Variants in CCDC141 observed in about 807,000 individuals in gnomAD.
CCDC141 encodes coiled-coil domain containing 141.
CCDC141 carries 168 observed loss-of-function variants against 181.0 expected under a neutral mutation model. That is an observed-to-expected ratio of 0.93 (90% CI 0.82 to 1.05). CCDC141 has a LOEUF of 1.05. Among genes scored for constraint, CCDC141 ranks in the 50% least tolerant of loss-of-function variants. The probability of loss-of-function intolerance (pLI) is 0.00; values close to 1 mark genes in which losing one functional copy is unlikely to be tolerated. For missense variants in CCDC141, 1,902 were observed against 1,788.5 expected (o/e 1.06, Z -1.14); for synonymous variants, 666 against 642.3 (o/e 1.04, Z -0.56).
intron 5 of CCDC141, among the ~76,000 whole-genome samples, chr2:178,948,072 C>T (rs546959089): frequency 1.3e-5 from 2 of 152,058 alleles, no homozygotes; most frequent in South Asian, 4.2e-4. Context: ...TGGTAGCACA[C>T]ACCTGTAGTC....
At chr2:178,916,509 T>G (rs1199822717) in intron 7 of CCDC141, among the ~76,000 whole-genome samples, 1 of 151,740 alleles carries the variant, frequency 6.6e-6, no homozygotes, top group Non-Finnish European at 1.5e-5. Flanking sequence ...TTATTTTACT[T>G]AATAATATAG....
At chr2:179,015,136 CA>C (rs2042427119) in intron 2 of CCDC141, among the ~76,000 whole-genome samples, 2 of 74,464 alleles carry the variant, frequency 2.7e-5, no homozygotes, top group Non-Finnish European at 2.4e-5. Context: ...TATATCATAT[CA>C]TATATATCAA....
Position 178,905,445 on chromosome 2 carries a change from A to G in CCDC141, c.1149T>C (p.Gly383=), listed in dbSNP as rs566474304. ...TCACTGCCAAAACAGCCAGACTTAA[A>G]CCCTCTGATTTAAGGAGCTTAAGGT... The part of the protein sequence containing the change: ...EAYLKLLKSE[G]LSLAVLAVRH... Residue 383 remains glycine (G), a synonymous_variant, in exon 8 of 24, where the codon GGT becomes GGC. Coordinates refer to ENST00000443758, the MANE Select transcript of CCDC141 (RefSeq NM_173648.4). 1 of 1,550,958 alleles carries G rather than the reference A, an allele frequency of 6.4e-7. No individual in the cohort carries two copies. The highest frequency in any genetic ancestry group is 2.0e-5 in the Admixed American group (1 of 50,998).
intron 14 of CCDC141, 124 bp from the exon 15 acceptor site, chr2:178,869,429 G>T: frequency 3.1e-6 from 2 of 640,958 alleles, no homozygotes; most frequent in Non-Finnish European, 4.9e-6. Context: ...TATTATGAAT[G>T]CCCCCACCCT....
At chr2:178,860,794 G>A (rs1019929612) in intron 17 of CCDC141, among the ~76,000 whole-genome samples, 7 of 151,996 alleles carry the variant, frequency 4.6e-5, no homozygotes, top group East Asian at 1.9e-4. Flanking sequence ...TTGGGAAGAC[G>A]TGACAATTGC....
chr2:178,817,784 T>TTCCC, the CCDC141 span: 1 of 271,064 alleles, frequency 3.7e-6, no homozygotes, highest in Non-Finnish European at 6.8e-6. Flanking sequence ...CCTCCCTTCC[T>TTCCC]TCCTTCCTTC....
At chr2:178,914,218 ATAAT>A (rs574572145) in intron 7 of CCDC141, among the ~76,000 whole-genome samples, 78 of 152,320 alleles carry the variant, frequency 5.1e-4, no homozygotes, top group African/African-American at 1.8e-3. Context: ...GTAACATCTG[ATAAT>A]TAGAGGAACT....
chr2:178,870,140 G>C (rs755994174), intron 14 of CCDC141, among the ~76,000 whole-genome samples: 9 of 143,626 alleles, frequency 6.3e-5, no homozygotes, highest in Non-Finnish European at 8.9e-5. Context: ...GCTGAGACAC[G>C]AGAATCACTT....
chr2:179,006,775 G>A lies in CCDC141; in HGVS notation c.226-28100C>T, dbSNP rs1300094077. Among the ~76,000 whole-genome samples the A allele has an allele frequency of 2.6e-5, 4 of 152,230 alleles. No homozygotes were observed. In the East Asian group the frequency reaches 7.7e-4, roughly 29 times the overall value. On this transcript the variant is annotated intron_variant, in intron 2 of 23. Coordinates refer to ENST00000443758, the MANE Select transcript of CCDC141 (RefSeq NM_173648.4). The stretch of plus-strand genomic sequence containing the variant: ...AAGGAATGTTTCCTCACTTGGTAAT[G>A]TAAAATTTGTTTTTGCCATTAAAGA...
chr2:178,975,485 T>A (rs1026955437), intron 3 of CCDC141, among the ~76,000 whole-genome samples: 2 of 152,138 alleles, frequency 1.3e-5, no homozygotes, highest in Non-Finnish European at 2.9e-5. Flanking sequence ...AATTATAGTG[T>A]CCTATGTATA....
At position 178,869,261 on chromosome 2, in the gene CCDC141, C is replaced by T; in HGVS notation, c.2250G>A (p.Glu750=). The change falls in exon 15 of 24, where the codon GAG becomes GAA. Residue 750 remains glutamate (E), a synonymous_variant. Transcript: ENST00000443758. ...EVQYIMKESE[E]LTGRGAPVKE... ...TTACAGGGGCTCCTCTGCCAGTTAA[C>T]TCCTCTGATTCTTTCATAATGTACT... 1 of 1,613,406 alleles carries T rather than the reference C, an allele frequency of 6.2e-7. No homozygotes were observed. The highest frequency in any genetic ancestry group is 8.5e-7 in the Non-Finnish European group (1 of 1,179,722).
chr2:179,033,682 T>C lies in CCDC141; in HGVS notation c.225+13602A>G, dbSNP rs377573679. 2.0e-5 allele frequency among the ~76,000 whole-genome samples: 3 copies of C among 152,260 alleles called. No individual in the cohort carries two copies. The South Asian group carries it at 6.2e-4, about 32-fold the overall frequency. Reference sequence around the variant, plus strand: ...TCTAAATCTCAGACCTAGAACCTTTTTGTCATACTAATAAGAACTATGGGT... The same window carrying C: ...TCTAAATCTCAGACCTAGAACCTTTCTGTCATACTAATAAGAACTATGGGT... On this transcript the variant is annotated intron_variant, in intron 2 of 23. Transcript: ENST00000443758.
chr2:178,856,231 A>C (rs1219915335), intron 18 of CCDC141, 26 bp downstream of exon 18: 1 of 1,584,128 alleles, frequency 6.3e-7, no homozygotes. Context: ...ACATGCGCAC[A>C]TATACAAACC....
In CCDC141 at chr2:178,944,579, C is replaced by T. The variant is rs1408907710; in HGVS notation, c.853G>A (p.Glu285Lys). 3.2e-6 allele frequency: 5 copies of T among 1,539,350 alleles called. No individual in the cohort carries two copies. In the South Asian group the frequency reaches 4.9e-5, roughly 15 times the overall value. ...TCCTCTTGCTTATGAATTCGATCCT[C>T]ATTGTCTGAAAGTGATGAACCTAGA... ...QSLGSSLSDN[E>K]DRIHKQEELI... The change falls in exon 6 of 24, where the codon GAG (glutamate) becomes AAG (lysine). Residue 285 changes from glutamate (E) to lysine (K), a missense_variant. By Grantham distance (56) the Glu-to-Lys change is moderately conservative (BLOSUM62 1). Transcript: ENST00000443758.
intron 5 of CCDC141, among the ~76,000 whole-genome samples, chr2:178,959,160 G>A (rs552006085): frequency 2.6e-5 from 4 of 151,922 alleles, no homozygotes; most frequent in African/African-American, 9.7e-5. Context: ...GGGGAAGGGG[G>A]GAGGGATAGC....
chr2:178,855,642 C>T, intron 18 of CCDC141, 101 bp from the exon 19 acceptor site: 2 of 633,572 alleles, frequency 3.2e-6, no homozygotes, highest in Non-Finnish European at 5.2e-6. Context: ...TTTGCAGCTT[C>T]CTCCAATCTA....
intron 2 of CCDC141, among the ~76,000 whole-genome samples, chr2:179,034,278 G>C (rs1052022698): frequency 2.0e-5 from 3 of 152,196 alleles, no homozygotes; most frequent in Non-Finnish European, 4.4e-5. Flanking sequence ...TCACTTGTAA[G>C]TGGGAGCTAC....
chr2:178,885,961 T>G (rs1686864595), intron 10 of CCDC141, among the ~76,000 whole-genome samples: 1 of 152,118 alleles, frequency 6.6e-6, no homozygotes, highest in African/African-American at 2.4e-5. Flanking sequence ...TGTAATCTCC[T>G]CCCCAGTTCT....
chr2:179,029,942 C>A (rs2042956004), intron 2 of CCDC141, among the ~76,000 whole-genome samples: 1 of 152,020 alleles, frequency 6.6e-6, no homozygotes, highest in Non-Finnish European at 1.5e-5. Context: ...TTCCAGGTGT[C>A]TTGCTTAGTC....
Sources: allele counts gnomAD v4.1 joint callset (sites outside exome capture counted in the v4.1 genomes callset), GRCh38; gene constraint gnomAD v4.1.1; transcripts MANE v1.5; gene names NCBI Gene and HGNC (gene_info 2026-07-23, HGNC 2026-07-21).